Variants in DCAF12 observed in about 807,000 individuals in gnomAD.
DCAF12 encodes the protein DDB1 and CUL4 associated factor 12, also known as DDB1- and CUL4-associated factor 12.
DCAF12 carries 28 observed loss-of-function variants against 52.8 expected under a neutral mutation model. The observed-to-expected ratio is 0.53, with a 90% CI of 0.39 to 0.73. The LOEUF is 0.73. DCAF12 is among the 30% of genes least tolerant of loss of function. DCAF12 has a pLI of 0.00. For missense variants in DCAF12, 425 were observed against 552.2 expected, an observed-to-expected ratio of 0.77 and a Z score of 2.31; for synonymous variants, 196 against 215.5, an observed-to-expected ratio of 0.91 and a Z score of 0.79.
At chr9:34,117,354 G>A (rs906174043) in intron 2 of DCAF12, among the ~76,000 whole-genome samples, 14 of 150,486 alleles carry the variant, frequency 9.3e-5, no homozygotes, top group African/African-American at 3.4e-4. Flanking sequence ...GTTTCACCGT[G>A]TTAGCCAGGA....
At chr9:34,090,940 C>G (rs7862209) in intron 7 of DCAF12, among the ~76,000 whole-genome samples, 2,392 of 151,842 alleles carry the variant, frequency 0.016, 42 homozygotes, top group African/African-American at 0.048. Flanking sequence ...TTACAGGCAT[C>G]AGCCACCGTG....
chr9:34,120,044 A>G (rs114689532), intron 2 of DCAF12, among the ~76,000 whole-genome samples: 32,366 of 151,222 alleles, frequency 0.21, 3,595 homozygotes, highest in Middle Eastern at 0.28. Flanking sequence ...TCTACTAAAA[A>G]ACAAAAAAAT....
At chr9:34,096,609 T>G in intron 6 of DCAF12, 107 bp downstream of exon 6, 2 of 1,090,878 alleles carry the variant, frequency 1.8e-6, no homozygotes, top group Non-Finnish European at 2.6e-6. Flanking sequence ...GCCTCAAAAA[T>G]AAATGAATAG....
intron 2 of DCAF12, chr9:34,109,937 T>C (rs1360216358): frequency 4.5e-6 from 1 of 222,682 alleles, no homozygotes; most frequent in Non-Finnish European, 9.8e-6. Context: ...TCTACCACCA[T>C]GTCCAACACC....
intron 4 of DCAF12, 131 bp downstream of exon 4, chr9:34,106,303 A>T: frequency 3.0e-6 from 2 of 669,616 alleles, no homozygotes; most frequent in Non-Finnish European, 5.1e-6. Flanking sequence ...TCAGCCTCCC[A>T]AAGTGCTGGG....
At chr9:34,108,812 A>ATATATATAT (rs377504137) in intron 2 of DCAF12, among the ~76,000 whole-genome samples, 37 of 139,320 alleles carry the variant, frequency 2.7e-4, no homozygotes, top group South Asian at 1.1e-3. Flanking sequence ...TAAATAAATA[A>ATATATATAT]ATATATATAT....
Position 34,096,698 on chromosome 9 carries a change from A to G in DCAF12, c.861+18T>C. The G allele has an allele frequency of 2.5e-6, 4 of 1,610,760 alleles. No individual in the cohort carries two copies. The highest frequency in any genetic ancestry group is 3.4e-6 in the Non-Finnish European group (4 of 1,178,160). On this transcript the variant is annotated intron_variant, in intron 6 of 8. Transcript: ENST00000361264. ...AGGTGAATTATTAGGTAAAACCACA[A>G]AATCATGTTCATCACACCTTAGATA...
At chr9:34,107,616 T>G in intron 2 of DCAF12, 51 bp from the exon 3 acceptor site, 173 of 1,427,374 alleles carry the variant, frequency 1.2e-4, no homozygotes, top group Middle Eastern at 1.8e-4. Context: ...ACGTGGCCAA[T>G]ACAGGGTATA....
At chr9:34,094,985 G>A (rs1490006933) in intron 6 of DCAF12, among the ~76,000 whole-genome samples, 1 of 152,120 alleles carries the variant, frequency 6.6e-6, no homozygotes, top group African/African-American at 2.4e-5. Flanking sequence ...ATTAAACAAT[G>A]TTTGGTACAC....
In DCAF12 at chr9:34,119,701, G is replaced by A. The variant is rs919412023; in HGVS notation, c.333+5322C>T. The stretch of plus-strand genomic sequence containing the variant: ...TTCAACAAATACTATGTACTTTTGC[G>A]GTTTTTTTTTTTTTTTTTGAGACAG... On this transcript the variant is annotated intron_variant, in intron 2 of 8. Coordinates refer to ENST00000361264, the MANE Select transcript of DCAF12 (RefSeq NM_015397.4). 6.9e-5 allele frequency among the ~76,000 whole-genome samples: 8 copies of A among 116,592 alleles called. No individual in the cohort carries two copies. The East Asian group carries it at 1.2e-3, about 18-fold the overall frequency. The allele number at this position is 116,592 out of a possible 152,430, so 76.5% of individuals were successfully genotyped here.
At chr9:34,125,735 T>C in intron 1 of DCAF12, 1 of 334,004 alleles carries the variant, frequency 3.0e-6, no homozygotes, top group South Asian at 2.3e-5. Flanking sequence ...TCAATGACCG[T>C]TCCTCTGTCA....
chr9:34,099,517 C>G (rs530601306), intron 4 of DCAF12, among the ~76,000 whole-genome samples: 1 of 152,132 alleles, frequency 6.6e-6, no homozygotes, highest in East Asian at 1.9e-4. Flanking sequence ...CAGGCATGAG[C>G]CACCGCGCCT....
intron 2 of DCAF12, among the ~76,000 whole-genome samples, chr9:34,116,966 G>A (rs151129137): frequency 0.013 from 1,981 of 152,310 alleles, 24 homozygotes; most frequent in South Asian, 0.056. Flanking sequence ...GCAATAGCGC[G>A]AGACTCCGTC....
At position 34,125,163 on chromosome 9, in the gene DCAF12, G is replaced by A; in HGVS notation, c.193C>T (p.Arg65Ter). The change falls in exon 2 of 9, where the codon CGA (arginine) becomes TGA (stop). Residue 65 changes from arginine (R) to a stop codon, truncating the protein, a stop_gained. Coordinates refer to ENST00000361264, the MANE Select transcript of DCAF12 (RefSeq NM_015397.4). LOFTEE classifies it high-confidence loss of function. ...VRLQNETSYS[R>*]VLHGYAAQQL... Reference sequence around the variant, plus strand: ...TGTGCTGCATAACCATGCAACACTCGAGAGTAGCTGGTTTCATTCTGTAGC... The same window carrying A: ...TGTGCTGCATAACCATGCAACACTCAAGAGTAGCTGGTTTCATTCTGTAGC... 1.2e-6 allele frequency: 2 copies of A among 1,614,140 alleles called. No individual in the cohort carries two copies. The highest frequency in any genetic ancestry group is 8.5e-7 in the Non-Finnish European group (1 of 1,180,034).
Position 34,087,206 on chromosome 9 carries a change from G to GT in DCAF12, c.*1143dup, listed in dbSNP as rs1455417742. ...GGCTTCAACCCCAAGTCCCACTGCAGTAAGAAAATGAATATTCCACACATG... is the reference window on the plus strand; with the variant it reads ...GGCTTCAACCCCAAGTCCCACTGCAGTTAAGAAAATGAATATTCCACACATG... On this transcript the variant is annotated 3_prime_UTR_variant, in exon 9 of 9. Transcript: ENST00000361264. 1 of 152,264 alleles carries GT rather than the reference G, an allele frequency of 6.6e-6. No individual in the cohort carries two copies. Among genetic ancestry groups the GT allele is most frequent in the Non-Finnish European group, 1.5e-5 (1 of 68,084 alleles). The allele number at this position is 152,264 out of a possible 1,614,324, so 9.4% of individuals were successfully genotyped here.
intron 2 of DCAF12, among the ~76,000 whole-genome samples, chr9:34,112,333 C>T (rs1171131983): frequency 3.3e-5 from 5 of 152,026 alleles, no homozygotes; most frequent in African/African-American, 1.2e-4. Context: ...TGGTGGTTCA[C>T]GCCTGTAATC....
chr9:34,098,721 C>T (rs1292637721), intron 4 of DCAF12, among the ~76,000 whole-genome samples: 1 of 152,202 alleles, frequency 6.6e-6, no homozygotes, highest in Non-Finnish European at 1.5e-5. Flanking sequence ...AAGGTCTAGG[C>T]ATTAAAATAT....
At chr9:34,114,229 A>G (rs1417445184) in intron 2 of DCAF12, among the ~76,000 whole-genome samples, 1 of 152,232 alleles carries the variant, frequency 6.6e-6, no homozygotes, top group African/African-American at 2.4e-5. Flanking sequence ...CAAGCCAAGT[A>G]TAGAATACTG....
chr9:34,113,345 C>A (rs986026799), intron 2 of DCAF12, among the ~76,000 whole-genome samples: 1 of 152,020 alleles, frequency 6.6e-6, no homozygotes, highest in Non-Finnish European at 1.5e-5. Context: ...GGCCACTGTA[C>A]GCGGCCTGAA....
Sources: gnomAD v4.1 joint callset for allele counts (sites outside exome capture counted in the v4.1 genomes callset) on GRCh38, gnomAD v4.1.1 for gene constraint, MANE v1.5 for transcripts, NCBI Gene and HGNC (gene_info 2026-07-23, HGNC 2026-07-21) for gene names.